PRKN: variants seen among roughly 807,000 people sequenced by gnomAD.
The protein encoded by PRKN is E3 ubiquitin-protein ligase parkin.
PRKN carries 56 observed loss-of-function variants against 59.5 expected under a neutral mutation model. That is an observed-to-expected ratio of 0.94 (90% CI 0.76 to 1.18). The LOEUF is 1.18. Ranked by LOEUF, PRKN falls within the 50% of genes most tolerant of loss-of-function variation. The pLI, the probability that PRKN is intolerant of heterozygous loss-of-function variation, is 0.00. For synonymous variants in PRKN, 250 were observed against 222.1 expected (o/e 1.13, Z -1.12); for missense variants, 657 against 596.4 (o/e 1.10, Z -1.06).
chr6:161,704,884 T>C (rs1170358638), intron 7 of PRKN, among the ~76,000 whole-genome samples: 2 of 152,220 alleles, frequency 1.3e-5, no homozygotes, highest in Admixed American at 6.5e-5. Flanking sequence ...CAGTACCACG[T>C]TTCTCAGTTA....
chr6:162,642,065 C>T (rs1424045979), intron 1 of PRKN, among the ~76,000 whole-genome samples: 1 of 152,196 alleles, frequency 6.6e-6, no homozygotes, highest in Non-Finnish European at 1.5e-5. Context: ...AATGCACTTA[C>T]ACAGTTGTGT....
At chr6:162,035,506 T>A (rs1318520158) in intron 5 of PRKN, among the ~76,000 whole-genome samples, 1 of 152,240 alleles carries the variant, frequency 6.6e-6, no homozygotes, top group Admixed American at 6.5e-5. Flanking sequence ...CAGGATGATA[T>A]GCTTAACTTA....
At chr6:162,562,354 C>T (rs1441164426) in intron 1 of PRKN, among the ~76,000 whole-genome samples, 1 of 152,078 alleles carries the variant, frequency 6.6e-6, no homozygotes, top group Admixed American at 6.5e-5. Context: ...GCTTCAGGTA[C>T]CAGCACAGCT....
At chr6:161,862,600 T>C (rs1583263526) in intron 6 of PRKN, among the ~76,000 whole-genome samples, 1 of 151,654 alleles carries the variant, frequency 6.6e-6, no homozygotes, top group African/African-American at 2.4e-5. Flanking sequence ...CAGCCTGGAG[T>C]AACGGGGTAA....
chr6:162,458,202 G>A (rs1362330103), intron 1 of PRKN, among the ~76,000 whole-genome samples: 1 of 132,090 alleles, frequency 7.6e-6, no homozygotes, highest in African/African-American at 2.7e-5. Context: ...GTTGCAGTGA[G>A]CCAAGATCGC....
At position 162,372,396 on chromosome 6, in the gene PRKN, C is replaced by T. The variant is rs140522853; in HGVS notation, c.171+70914G>A. Among the ~76,000 whole-genome samples, 1,142 of 152,238 alleles carry T rather than the reference C, an allele frequency of 7.5e-3. 3 individuals carry two copies. The highest frequency in any genetic ancestry group is 0.019 in the African/African-American group (804 of 41,548). Reference sequence around the variant, plus strand: ...TTTACACGCTGTGCTCCATTCACGGCGCTGAGTTTACTCACACGTGCTACA... The same window carrying T: ...TTTACACGCTGTGCTCCATTCACGGTGCTGAGTTTACTCACACGTGCTACA... On this transcript the variant is annotated intron_variant, in intron 2 of 11. Transcript: ENST00000366898.
At chr6:162,411,452 G>C (rs1392999748) in intron 2 of PRKN, among the ~76,000 whole-genome samples, 1 of 152,124 alleles carries the variant, frequency 6.6e-6, no homozygotes, top group African/African-American at 2.4e-5. Flanking sequence ...CAGATGTTAG[G>C]TTTTCTCCTC....
At chr6:162,628,116 G>A (rs1368434311) in intron 1 of PRKN, among the ~76,000 whole-genome samples, 1 of 152,132 alleles carries the variant, frequency 6.6e-6, no homozygotes, top group African/African-American at 2.4e-5. Flanking sequence ...AGTTTGTGGG[G>A]TTAGAAGCCA....
intron 1 of PRKN, among the ~76,000 whole-genome samples, chr6:162,666,178 T>C (rs1336984131): frequency 1.3e-5 from 2 of 152,108 alleles, no homozygotes; most frequent in Non-Finnish European, 2.9e-5. Context: ...AAGATGTCTA[T>C]AAGAAAAGAG....
intron 7 of PRKN, among the ~76,000 whole-genome samples, chr6:161,691,778 A>G (rs116901771): frequency 0.012 from 1,801 of 152,356 alleles, 29 homozygotes; most frequent in Middle Eastern, 0.099. Context: ...AAGAAGGCAG[A>G]GCATTGCTCT....
intron 7 of PRKN, among the ~76,000 whole-genome samples, chr6:161,700,989 T>C (rs574421386): frequency 5.3e-4 from 81 of 152,330 alleles, no homozygotes; most frequent in Non-Finnish European, 1.1e-3. Context: ...ATATAGCATA[T>C]CTAAGAAAGA....
intron 1 of PRKN, among the ~76,000 whole-genome samples, chr6:162,618,291 T>A (rs1372955792): frequency 6.6e-6 from 1 of 152,164 alleles, no homozygotes; most frequent in Non-Finnish European, 1.5e-5. Flanking sequence ...TGGTGAGCTA[T>A]CTGGCAACTG....
chr6:162,718,364 C>T (rs1197592626), intron 1 of PRKN, among the ~76,000 whole-genome samples: 1 of 152,100 alleles, frequency 6.6e-6, no homozygotes, highest in Non-Finnish European at 1.5e-5. Flanking sequence ...AGAATTGTGA[C>T]AACTATGTCT....
intron 4 of PRKN, among the ~76,000 whole-genome samples, chr6:162,194,079 T>G (rs1784396318): frequency 6.6e-6 from 1 of 152,188 alleles, no homozygotes. Context: ...AAATAGAGAT[T>G]AGAAAGAAAT....
chr6:162,470,479 T>G (rs935987699), intron 1 of PRKN, among the ~76,000 whole-genome samples: 69 of 152,098 alleles, frequency 4.5e-4, no homozygotes, highest in African/African-American at 1.6e-3. Flanking sequence ...TGGCAGGCGC[T>G]ACTTGGGAAG....
At chr6:162,301,111 T>C (rs2089339510) in intron 2 of PRKN, among the ~76,000 whole-genome samples, 1 of 151,574 alleles carries the variant, frequency 6.6e-6, no homozygotes. Context: ...TATATCAACA[T>C]AAAAAAAAGG....
intron 9 of PRKN, among the ~76,000 whole-genome samples, chr6:161,478,635 A>G: frequency 6.6e-6 from 1 of 152,148 alleles, no homozygotes; most frequent in East Asian, 1.9e-4. Flanking sequence ...ATGTGAGTCC[A>G]GGGGTTTGAG....
chr6:161,870,174 A>G (rs1794286872), intron 6 of PRKN, among the ~76,000 whole-genome samples: 1 of 152,156 alleles, frequency 6.6e-6, no homozygotes, highest in African/African-American at 2.4e-5. Context: ...ATGGTCATAG[A>G]CAGAGAAGTA....
At chr6:162,581,233 T>C (rs528176378) in intron 1 of PRKN, among the ~76,000 whole-genome samples, 14 of 152,330 alleles carry the variant, frequency 9.2e-5, no homozygotes, top group Admixed American at 3.9e-4. Context: ...AAGAGACAGT[T>C]AGATTCATTC....
Sources: allele counts gnomAD v4.1 joint callset (sites outside exome capture counted in the v4.1 genomes callset), GRCh38; gene constraint gnomAD v4.1.1; transcripts MANE v1.5; gene names NCBI Gene and HGNC (gene_info 2026-07-23, HGNC 2026-07-21).